The following BAZ2B variants were observed in gnomAD, a reference collection of about 807,000 sequenced individuals.
BAZ2B encodes bromodomain adjacent to zinc finger domain 2B, also known as bromodomain adjacent to zinc finger domain protein 2B.
In BAZ2B, 91 loss-of-function variants were observed where a neutral mutation model predicts 246.0. The ratio of observed to expected loss-of-function variants is 0.37; its 90% CI spans 0.31 to 0.44. BAZ2B has a LOEUF of 0.44. Ranked by LOEUF, BAZ2B falls within the 20% of genes least tolerant of loss-of-function variation. The probability of loss-of-function intolerance (pLI) is 1.00; values close to 1 mark genes in which losing one functional copy is unlikely to be tolerated. For synonymous variants in BAZ2B, 855 were observed against 860.0 expected (o/e 0.99, Z 0.10); for missense variants, 2,332 against 2,533.7 (o/e 0.92, Z 1.71).
intron 36 of BAZ2B, 120 bp downstream of exon 36, chr2:159,324,666 ACACACACACACACACACACACACCT>A (rs1356684288): frequency 9.9e-5 from 20 of 201,634 alleles, no homozygotes; most frequent in East Asian, 6.4e-4. Context: ...ACACACACAC[ACACACACACACACACACACACACCT>A]GCCTCAAAGG....
intron 6 of BAZ2B, among the ~76,000 whole-genome samples, chr2:159,440,517 G>GTTTT (rs34338793): frequency 7.2e-6 from 1 of 138,966 alleles, no homozygotes; most frequent in African/African-American, 2.8e-5. Flanking sequence ...AATGACTCTT[G>GTTTT]TTTTTTTTTT....
chr2:159,676,518 A>C, the BAZ2B span, among the ~76,000 whole-genome samples: 3 of 152,120 alleles, frequency 2.0e-5, no homozygotes, highest in Non-Finnish European at 4.4e-5. Context: ...AAAATTAAAA[A>C]TATGTAGTCA....
chr2:159,652,355 G>A, the BAZ2B span, among the ~76,000 whole-genome samples: 18 of 152,030 alleles, frequency 1.2e-4, no homozygotes, highest in East Asian at 7.8e-4. Flanking sequence ...GATTATAGGC[G>A]CGTGCCACAA....
At chr2:159,530,611 A>G (rs891149266) in intron 2 of BAZ2B, among the ~76,000 whole-genome samples, 7 of 152,194 alleles carry the variant, frequency 4.6e-5, no homozygotes, top group Non-Finnish European at 1.0e-4. Flanking sequence ...AGTTATGCAT[A>G]TATAACTTTA....
chr2:159,436,189 A>G (rs2072258337), intron 8 of BAZ2B, among the ~76,000 whole-genome samples: 2 of 152,162 alleles, frequency 1.3e-5, no homozygotes, highest in South Asian at 4.1e-4. Context: ...TTCTAAATAT[A>G]TAGGTCTAAA....
chr2:159,666,143 T>C, the BAZ2B span, among the ~76,000 whole-genome samples: 1 of 152,198 alleles, frequency 6.6e-6, no homozygotes, highest in Non-Finnish European at 1.5e-5. Flanking sequence ...ATTTACAATA[T>C]TGTTCCTCCA....
chr2:159,452,492 C>T (rs1020455621), intron 4 of BAZ2B, among the ~76,000 whole-genome samples: 1 of 152,176 alleles, frequency 6.6e-6, no homozygotes, highest in African/African-American at 2.4e-5. Context: ...CAAGGTCACA[C>T]AGCTATGAAC....
intron 9 of BAZ2B, 42 bp downstream of exon 9, chr2:159,432,715 T>C (rs748256269): frequency 3.8e-6 from 6 of 1,578,710 alleles, no homozygotes; most frequent in Middle Eastern, 2.1e-4. Context: ...TTGGTTCACA[T>C]AGCATTTAGA....
chr2:159,373,075 T>C lies in BAZ2B; in HGVS notation c.4183A>G (p.Ile1395Val). 6.2e-7 allele frequency: 1 copy of C among 1,613,696 alleles called. No homozygotes were observed. The highest frequency in any genetic ancestry group is 8.5e-7 in the Non-Finnish European group (1 of 1,179,822). ...RYWILPQCGG[I>V]FVEGMESGEG... ...CCACTCTCCATGCCTTCTACAAAAATCCCCCCACATTGGGGAAGAATCCAG... is the reference window on the plus strand; with the variant it reads ...CCACTCTCCATGCCTTCTACAAAAACCCCCCCACATTGGGGAAGAATCCAG... The change falls in exon 27 of 37, where the codon ATT (isoleucine) becomes GTT (valine). Residue 1395 changes from isoleucine to valine, a missense_variant. Transcript: ENST00000392783.
the BAZ2B span, among the ~76,000 whole-genome samples, chr2:159,667,096 A>T: frequency 8.8e-4 from 3 of 3,424 alleles, no homozygotes; most frequent in Non-Finnish European, 3.0e-3. Flanking sequence ...AAAGTATAAT[A>T]AAAAAAAAGA....
chr2:159,469,957 A>G (rs1265370528), intron 3 of BAZ2B, among the ~76,000 whole-genome samples: 1 of 152,206 alleles, frequency 6.6e-6, no homozygotes, highest in Non-Finnish European at 1.5e-5. Flanking sequence ...AACTGCAAGA[A>G]AACTATAGAC....
intron 3 of BAZ2B, among the ~76,000 whole-genome samples, chr2:159,465,560 C>G (rs1167783837): frequency 6.6e-6 from 1 of 152,104 alleles, no homozygotes; most frequent in Non-Finnish European, 1.5e-5. Flanking sequence ...AAATAATATT[C>G]TGAAAATACT....
At chr2:159,415,531 T>C (rs2067562411) in intron 13 of BAZ2B, among the ~76,000 whole-genome samples, 1 of 152,128 alleles carries the variant, frequency 6.6e-6, no homozygotes. Context: ...TATATTACCT[T>C]ATAGTCCAAA....
chr2:159,505,063 C>T (rs954798041), intron 2 of BAZ2B, among the ~76,000 whole-genome samples: 1 of 152,058 alleles, frequency 6.6e-6, no homozygotes, highest in African/African-American at 2.4e-5. Flanking sequence ...ATGAAAATGA[C>T]TTATGCAATA....
intron 34 of BAZ2B, among the ~76,000 whole-genome samples, chr2:159,326,746 C>T (rs2063768604): frequency 6.6e-6 from 1 of 152,122 alleles, no homozygotes; most frequent in Admixed American, 6.5e-5. Flanking sequence ...GAACTCTCAA[C>T]ATGGTCTTAT....
chr2:159,447,133 C>G (rs2074366770), intron 5 of BAZ2B, among the ~76,000 whole-genome samples, 158 bp from the exon 6 acceptor site: 1 of 152,112 alleles, frequency 6.6e-6, no homozygotes, highest in Admixed American at 6.6e-5. Flanking sequence ...ATGAAATATT[C>G]AGAGCAGGTA....
the BAZ2B span, among the ~76,000 whole-genome samples, chr2:159,695,943 TAG>T: frequency 9.5e-3 from 1,451 of 151,994 alleles, 23 homozygotes; most frequent in African/African-American, 0.034. Flanking sequence ...TTTGTTTTAG[TAG>T]AGACAGGGTT....
intron 31 of BAZ2B, among the ~76,000 whole-genome samples, chr2:159,340,040 T>A (rs549834188): frequency 6.6e-6 from 1 of 152,166 alleles, no homozygotes; most frequent in East Asian, 1.9e-4. Context: ...AATTCATGAT[T>A]TGAATGAGAA....
intron 13 of BAZ2B, among the ~76,000 whole-genome samples, chr2:159,413,330 G>T (rs186193697): frequency 2.4e-4 from 36 of 152,324 alleles, no homozygotes; most frequent in African/African-American, 5.8e-4. Flanking sequence ...ACTGTAGGAA[G>T]TTTAACTGAA....
Sources: gnomAD v4.1 joint callset for allele counts (sites outside exome capture counted in the v4.1 genomes callset) on GRCh38, gnomAD v4.1.1 for gene constraint, MANE v1.5 for transcripts, NCBI Gene and HGNC (gene_info 2026-07-23, HGNC 2026-07-21) for gene names.